Variants in LRRC4C observed in about 807,000 individuals in gnomAD.
The protein encoded by LRRC4C is leucine rich repeat containing 4C, also known as leucine-rich repeat-containing protein 4C.
Under a neutral mutation model 33.6 loss-of-function variants are expected in LRRC4C, and 5 were observed. The observed-to-expected ratio is 0.15, with a 90% confidence interval of 0.08 to 0.31. The LOEUF (loss-of-function observed/expected upper bound fraction) is 0.31, where lower values mean the gene tolerates loss of function less well. Ranked by LOEUF, LRRC4C falls within the 10% of genes least tolerant of loss-of-function variation. The pLI, the probability that LRRC4C is intolerant of heterozygous loss-of-function variation, is 1.00. For missense variants in LRRC4C, 560 were observed against 796.7 expected, an observed-to-expected ratio of 0.70 and a Z score of 3.58; for synonymous variants, 329 against 302.0, an observed-to-expected ratio of 1.09 and a Z score of -0.93.
chr11:41,448,122 G>GTTTTTTTTT lies in LRRC4C; in HGVS notation c.-496+11300_-496+11308dup, dbSNP rs71063918. ...ACAAACGAGGCTGCTGCACACGTCT[G>GTTTTTTTTT]TTTTTTTTTTTTTTTTTTTTGGAGC... is the stretch of plus-strand genomic sequence containing the variant. On this transcript the variant is annotated intron_variant, in intron 1 of 6. Transcript: ENST00000528697. Among the ~76,000 whole-genome samples the GTTTTTTTTT allele has an allele frequency of 1.3e-3, 63 of 46,894 alleles. 12 individuals carry two copies. Among genetic ancestry groups the GTTTTTTTTT allele is most frequent in the African/African-American group, 2.7e-3 (35 of 12,906 alleles). 30.8% of individuals were successfully genotyped at this position (46,894 alleles called of 152,430 possible).
chr11:40,729,758 C>T (rs4462330), intron 2 of LRRC4C, among the ~76,000 whole-genome samples: 85,780 of 152,048 alleles, frequency 0.56, 24,480 homozygotes, highest in African/African-American at 0.64. Flanking sequence ...CACCTTCACA[C>T]ACGATCATTC....
At chr11:40,531,163 C>T (rs964941216) in intron 3 of LRRC4C, among the ~76,000 whole-genome samples, 2 of 152,082 alleles carry the variant, frequency 1.3e-5, no homozygotes, top group South Asian at 4.1e-4. Flanking sequence ...TCTAGGTTCA[C>T]AGCAAAATTG....
At chr11:40,641,433 G>A (rs1942114370) in intron 3 of LRRC4C, among the ~76,000 whole-genome samples, 1 of 151,942 alleles carries the variant, frequency 6.6e-6, no homozygotes, top group Non-Finnish European at 1.5e-5. Context: ...ATAGCTCTAG[G>A]CACTCATGAA....
intron 3 of LRRC4C, among the ~76,000 whole-genome samples, chr11:40,353,639 G>T (rs79092873): frequency 0.032 from 4,809 of 152,220 alleles, 217 homozygotes; most frequent in African/African-American, 0.11. Context: ...ACTTGAATTT[G>T]GGAGGTGGGG....
chr11:41,034,325 T>C (rs894648933), intron 1 of LRRC4C, among the ~76,000 whole-genome samples: 14 of 151,492 alleles, frequency 9.2e-5, no homozygotes, highest in Non-Finnish European at 1.8e-4. Context: ...CGCGTGCTCT[T>C]GGACTTTCTA....
At chr11:40,751,428 CAA>C (rs1264948673) in intron 2 of LRRC4C, among the ~76,000 whole-genome samples, 2 of 151,922 alleles carry the variant, frequency 1.3e-5, no homozygotes, top group Non-Finnish European at 2.9e-5. Context: ...TTGAAGGATA[CAA>C]AGTTAACAAT....
At chr11:41,452,457 A>G (rs993670942) in intron 1 of LRRC4C, among the ~76,000 whole-genome samples, 1 of 152,144 alleles carries the variant, frequency 6.6e-6, no homozygotes, top group Admixed American at 6.6e-5. Flanking sequence ...GATTAGAGAA[A>G]AGTTGGTGTT....
chr11:41,289,842 C>T (rs1429499666), intron 1 of LRRC4C, among the ~76,000 whole-genome samples: 1 of 152,064 alleles, frequency 6.6e-6, no homozygotes, highest in East Asian at 1.9e-4. Flanking sequence ...TCAAGACAGG[C>T]AAATGCATAA....
chr11:40,992,715 T>G (rs2137271631), intron 1 of LRRC4C, among the ~76,000 whole-genome samples: 1 of 152,260 alleles, frequency 6.6e-6, no homozygotes, highest in Admixed American at 6.5e-5. Context: ...AAGACAGACA[T>G]TAAGAACTAT....
chr11:40,504,570 T>G (rs1157696713), intron 3 of LRRC4C, among the ~76,000 whole-genome samples: 1 of 152,138 alleles, frequency 6.6e-6, no homozygotes, highest in African/African-American at 2.4e-5. Context: ...AAGGGATGGC[T>G]TAAGACTCAT....
chr11:40,645,716 T>C (rs1942408936), intron 3 of LRRC4C, among the ~76,000 whole-genome samples: 1 of 152,188 alleles, frequency 6.6e-6, no homozygotes. Context: ...GTTTTCAGGC[T>C]GTAACACTGG....
intron 1 of LRRC4C, among the ~76,000 whole-genome samples, chr11:41,174,988 T>A (rs1421527803): frequency 6.6e-6 from 1 of 152,120 alleles, no homozygotes; most frequent in East Asian, 1.9e-4. Flanking sequence ...ATTTAATTAA[T>A]GCTTTTTCTT....
chr11:41,195,868 A>AAG (rs1946157755), intron 1 of LRRC4C, among the ~76,000 whole-genome samples: 3 of 152,054 alleles, frequency 2.0e-5, no homozygotes, highest in Admixed American at 2.0e-4. Flanking sequence ...TGCAGATGCA[A>AAG]AGTTGTTTTT....
At chr11:40,476,421 C>G (rs749337360) in intron 3 of LRRC4C, among the ~76,000 whole-genome samples, 1 of 147,484 alleles carries the variant, frequency 6.8e-6, no homozygotes, top group Non-Finnish European at 1.5e-5. Flanking sequence ...TCTCAGCTCA[C>G]CACAGCCTCT....
At chr11:40,786,466 A>T (rs1273496078) in intron 2 of LRRC4C, among the ~76,000 whole-genome samples, 2 of 152,192 alleles carry the variant, frequency 1.3e-5, no homozygotes, top group Non-Finnish European at 2.9e-5. Flanking sequence ...CTGATGCTTG[A>T]AGTCCCTGAA....
At chr11:40,704,830 A>C (rs1946068064) in intron 2 of LRRC4C, among the ~76,000 whole-genome samples, 1 of 152,148 alleles carries the variant, frequency 6.6e-6, no homozygotes, top group African/African-American at 2.4e-5. Flanking sequence ...TCCTTCTGGA[A>C]ACTGCACTAT....
At chr11:40,154,287 C>CAAAAAAAAAAAAAAAAAAAAAAAAA in intron 5 of LRRC4C, among the ~76,000 whole-genome samples, 1 of 114,206 alleles carries the variant, frequency 8.8e-6, no homozygotes. Context: ...AGCTAAAAAG[C>CAAAAAAAAAAAAAAAAAAAAAAAAA]AAAAAAAAAA....
chr11:40,240,443 G>GCATTATCCA (rs1865855718), intron 5 of LRRC4C, among the ~76,000 whole-genome samples: 1 of 152,054 alleles, frequency 6.6e-6, no homozygotes, highest in African/African-American at 2.4e-5. Flanking sequence ...AATTCTGATT[G>GCATTATCCA]CATTATCCAT....
intron 6 of LRRC4C, among the ~76,000 whole-genome samples, chr11:40,125,223 C>T (rs1321725034): frequency 1.3e-5 from 2 of 152,060 alleles, no homozygotes. Context: ...TTTTCTCCCA[C>T]TAATAAGAAG....
Sources: gnomAD v4.1 joint callset for allele counts (sites outside exome capture counted in the v4.1 genomes callset) on GRCh38, gnomAD v4.1.1 for gene constraint, MANE v1.5 for transcripts, NCBI Gene and HGNC (gene_info 2026-07-23, HGNC 2026-07-21) for gene names.